GSN: variants seen among roughly 807,000 people sequenced by gnomAD.
The protein encoded by GSN is gelsolin, also known as actin-depolymerizing factor.
GSN carries 56 observed loss-of-function variants against 85.7 expected under a neutral mutation model. The observed-to-expected ratio is 0.65, with a 90% CI of 0.53 to 0.82. The LOEUF is 0.82. Among genes scored for constraint, GSN ranks in the 40% least tolerant of loss-of-function variants. The probability of loss-of-function intolerance (pLI) is 0.00; values close to 1 mark genes in which losing one functional copy is unlikely to be tolerated. For synonymous variants in GSN, 373 were observed against 399.1 expected, an observed-to-expected ratio of 0.93 and a Z score of 0.78; for missense variants, 857 against 979.8, an observed-to-expected ratio of 0.87 and a Z score of 1.67.
At chr9:121,282,197 G>A (rs939729445) in intron 2 of GSN, 15 of 536,258 alleles carry the variant, frequency 2.8e-5, no homozygotes, top group African/African-American at 9.6e-5. Context: ...CTTCAGCCTC[G>A]GTTTCTCCAC....
At position 121,294,312 on chromosome 9, in the gene GSN, G is replaced by A. The variant is rs117369936; in HGVS notation, c.-9-7651G>A. 9.0e-3 allele frequency among the ~76,000 whole-genome samples: 1,367 copies of A among 152,306 alleles called. 7 individuals are homozygous for A. Among genetic ancestry groups the A allele is most frequent in the Non-Finnish European group, 0.014 (919 of 68,022 alleles). On this transcript the variant is annotated intron_variant, in intron 2 of 17. Transcript: ENST00000432226. ...CAGGGGTGGGTGGTGGGGTGCTGAAGGGGCTAGGACAGTTATTTGCAGCCC... is the reference window on the plus strand; with the variant it reads ...CAGGGGTGGGTGGTGGGGTGCTGAAAGGGCTAGGACAGTTATTTGCAGCCC...
Position 121,332,305 on chromosome 9 carries a change from G to C in GSN, c.2027-129G>C. On this transcript the variant is annotated intron_variant, in intron 17 of 17. Transcript: ENST00000432226. The surrounding 1 kb of genome is among the most constrained non-coding windows in gnomAD (Gnocchi z 4.8). ...AAGGAGGATGGTGCCCAGGGCAGGG[G>C]GTGGGCAGTAGGGACAGTAGGACCA... 1.2e-6 allele frequency: 1 copy of C among 860,630 alleles called. No individual in the cohort carries two copies. Among genetic ancestry groups the C allele is most frequent in the Non-Finnish European group, 2.0e-6 (1 of 500,508 alleles). 53.3% of individuals were successfully genotyped at this position (860,630 alleles called of 1,614,324 possible).
In GSN at chr9:121,229,467, G is replaced by A. The variant is rs111921786; in HGVS notation, c.-527-1698G>A. Among the ~76,000 whole-genome samples the A allele has an allele frequency of 5.9e-3, 894 of 152,248 alleles. 10 individuals are homozygous for A. Among genetic ancestry groups the A allele is most frequent in the African/African-American group, 0.02 (848 of 41,542 alleles). On this transcript the variant is annotated intron_variant, in intron 4 of 24. Coordinates refer to the GSN transcript ENST00000373823. ...ACTTCTGACCTCAGGTGATCCACCCGCCTCAGCTTCCCAAAGTGCTGGGAT... is the reference window on the plus strand; with the variant it reads ...ACTTCTGACCTCAGGTGATCCACCCACCTCAGCTTCCCAAAGTGCTGGGAT...
At chr9:121,315,050 G>A (rs562742116) in intron 7 of GSN, among the ~76,000 whole-genome samples, 6 of 152,080 alleles carry the variant, frequency 3.9e-5, no homozygotes, top group Non-Finnish European at 5.9e-5. Context: ...TTGTAGAGAC[G>A]AGGTTTTGCC....
At position 121,281,493 on chromosome 9, in the gene GSN, C is replaced by A; in HGVS notation, c.-79C>A. ...AGGTAGTGCTCATAGCTCTCTTTGT[C>A]CAGTGCTTCGGCCTTGGTCCCAGCG... On this transcript the variant is annotated 5_prime_UTR_variant, in exon 2 of 18. Coordinates refer to ENST00000432226, the MANE Select transcript of GSN (RefSeq NM_198252.3). The A allele has an allele frequency of 5.1e-6, 2 of 388,622 alleles. No individual in the cohort carries two copies. Among genetic ancestry groups the A allele is most frequent in the Non-Finnish European group, 1.1e-5 (2 of 188,980 alleles). The allele number at this position is 388,622 out of a possible 1,614,324, so 24.1% of individuals were successfully genotyped here.
chr9:121,312,226 C>A, intron 5 of GSN, 113 bp from the exon 6 acceptor site: 1 of 1,119,148 alleles, frequency 8.9e-7, no homozygotes, highest in Non-Finnish European at 1.4e-6. Context: ...TTCACCTGGG[C>A]AAGTGCAGAA....
At chr9:121,248,342 A>G (rs1396966490) in intron 6 of GSN, 5 of 152,122 alleles carry the variant, frequency 3.3e-5, no homozygotes, top group African/African-American at 1.2e-4. Flanking sequence ...CACCACACCC[A>G]AGCCCTTGTC....
chr9:121,225,964 C>G (rs1231818706), intron 4 of GSN, among the ~76,000 whole-genome samples: 1 of 152,156 alleles, frequency 6.6e-6, no homozygotes, highest in African/African-American at 2.4e-5. Flanking sequence ...GCCACCATGC[C>G]TGGCTAAGTT....
intron 2 of GSN, chr9:121,286,829 A>T: frequency 7.8e-7 from 1 of 1,286,214 alleles, no homozygotes; most frequent in South Asian, 1.3e-5. Context: ...GACAGCCCTG[A>T]ATTCCTAATG....
Position 121,288,826 on chromosome 9 carries a change from T to TA in GSN, c.-10+7265dup, listed in dbSNP as rs141699821. Among the ~76,000 whole-genome samples the TA allele has an allele frequency of 2.8e-4, 43 of 152,290 alleles. No individual in the cohort carries two copies. In the East Asian group the frequency reaches 7.5e-3, roughly 27 times the overall value. ...GGCATTCAAGAGATAGTACATGGTA[T>TA]AGAGTCTGTCACAAAACAGACATCA... On this transcript the variant is annotated intron_variant, in intron 2 of 17. Coordinates refer to ENST00000432226, the MANE Select transcript of GSN (RefSeq NM_198252.3).
chr9:121,324,716 C>T (rs2062936058), intron 12 of GSN, 72 bp downstream of exon 12: 2 of 754,438 alleles, frequency 2.7e-6, no homozygotes, highest in African/African-American at 1.7e-5. Context: ...CTGTCTGACT[C>T]TCATCCATCC....
rs2062421646 is a variant in GSN, at chr9:121,321,359, A to G, written c.1283A>G (p.Asn428Ser). Reference protein sequence around the residue: ...YGGDSYIILYNYRHGGRQGQI... With the variant: ...YGGDSYIILYSYRHGGRQGQI... ...GGCGACAGCTACATCATTCTGTACA[A>G]CTACCGCCATGGTGGCCGCCAGGGG... Residue 428 changes from asparagine to serine, a missense_variant, in exon 11 of 18, where the codon AAC (asparagine) becomes AGC (serine). Asn to Ser is a conservative substitution (Grantham distance 46, BLOSUM62 1). Coordinates refer to ENST00000432226, the MANE Select transcript of GSN (RefSeq NM_198252.3). 5 of 1,614,106 alleles carry G rather than the reference A, an allele frequency of 3.1e-6. No individual in the cohort carries two copies. Among genetic ancestry groups the G allele is most frequent in the Non-Finnish European group, 4.2e-6 (5 of 1,179,968 alleles).
chr9:121,277,765 C>G (rs2056850409), intron 1 of GSN, among the ~76,000 whole-genome samples: 1 of 152,094 alleles, frequency 6.6e-6, no homozygotes, highest in Non-Finnish European at 1.5e-5. Context: ...TTTGATCAAC[C>G]CTTTCACCAG....
chr9:121,327,151 C>T (rs1175150211), intron 13 of GSN, 157 bp from the exon 14 acceptor site: 1 of 773,480 alleles, frequency 1.3e-6, no homozygotes, highest in Non-Finnish European at 2.4e-6. Flanking sequence ...TCAACCAAGG[C>T]CATCAGGGTC....
Position 121,228,941 on chromosome 9 carries a change from G to A in GSN, c.-527-2224G>A, listed in dbSNP as rs181509882. On this transcript the variant is annotated intron_variant, in intron 4 of 24. Transcript: ENST00000373823. ...AAAGTTGCTGATATTAAGACTCTTC[G>A]CTTCTAATATCTTTAGCAAATATCT... is the stretch of plus-strand genomic sequence containing the variant. Among the ~76,000 whole-genome samples, 185 of 151,970 alleles carry A rather than the reference G, an allele frequency of 1.2e-3. 1 individual carries two copies. The highest frequency in any genetic ancestry group is 4.2e-3 in the African/African-American group (174 of 41,408).
chr9:121,215,996 C>CTTAT (rs972526174), intron 4 of GSN, among the ~76,000 whole-genome samples: 8 of 151,940 alleles, frequency 5.3e-5, no homozygotes, highest in East Asian at 1.9e-4. Flanking sequence ...CATCACTTTT[C>CTTAT]TTATTTATTT....
chr9:121,234,038 T>C (rs1327285725), intron 5 of GSN, among the ~76,000 whole-genome samples: 1 of 152,246 alleles, frequency 6.6e-6, no homozygotes, highest in Admixed American at 6.5e-5. Context: ...TATGCTTTTT[T>C]TATGCAATGC....
At chr9:121,243,602 C>T (rs1035338661) in intron 5 of GSN, among the ~76,000 whole-genome samples, 6 of 152,194 alleles carry the variant, frequency 3.9e-5, no homozygotes, top group African/African-American at 1.4e-4. Context: ...GTGGGAGCAG[C>T]GTTTTGCTCT....
chr9:121,223,908 C>T (rs2054220905), intron 4 of GSN, among the ~76,000 whole-genome samples: 1 of 152,076 alleles, frequency 6.6e-6, no homozygotes, highest in Non-Finnish European at 1.5e-5. Context: ...ATCCACCCGC[C>T]TCGGCCTCCC....
Sources: allele counts gnomAD v4.1 joint callset (sites outside exome capture counted in the v4.1 genomes callset), GRCh38; gene constraint gnomAD v4.1.1; non-coding constraint Gnocchi (gnomAD v3.1); transcripts MANE v1.5; gene names NCBI Gene and HGNC (gene_info 2026-07-23, HGNC 2026-07-21).